Variants in KIAA1549L observed in about 807,000 individuals in gnomAD.
KIAA1549L encodes the protein KIAA1549 like.
Under a neutral mutation model 160.7 loss-of-function variants are expected in KIAA1549L, and 88 were observed. The observed-to-expected ratio is 0.55, with a 90% CI of 0.46 to 0.65. The LOEUF (loss-of-function observed/expected upper bound fraction) is 0.65, where lower values mean the gene tolerates loss of function less well. Ranked by LOEUF, KIAA1549L falls within the 30% of genes least tolerant of loss-of-function variation. KIAA1549L has a pLI of 0.00. For missense variants in KIAA1549L, 2,258 were observed against 2,437.5 expected (o/e 0.93, Z 1.55); for synonymous variants, 950 against 976.7 (o/e 0.97, Z 0.51).
At chr11:33,512,737 T>TC (rs1853256303) in intron 1 of KIAA1549L, among the ~76,000 whole-genome samples, 2 of 152,186 alleles carry the variant, frequency 1.3e-5, no homozygotes, top group Non-Finnish European at 2.9e-5. Flanking sequence ...CTAGGTAATA[T>TC]TCGAAATCCT....
At chr11:33,639,688 C>T (rs1054213938) in intron 16 of KIAA1549L, among the ~76,000 whole-genome samples, 34 of 152,194 alleles carry the variant, frequency 2.2e-4, no homozygotes, top group African/African-American at 3.4e-4. Context: ...CACAGGCGCG[C>T]GCTACCTCGC....
At chr11:33,577,882 T>C (rs535016694) in intron 10 of KIAA1549L, among the ~76,000 whole-genome samples, 3 of 152,276 alleles carry the variant, frequency 2.0e-5, no homozygotes, top group African/African-American at 7.2e-5. Flanking sequence ...CACTGGAGAT[T>C]TATGCACCTG....
intron 17 of KIAA1549L, 130 bp downstream of exon 17, chr11:33,646,166 T>TC (rs1289147300): frequency 3.0e-6 from 2 of 677,940 alleles, no homozygotes; most frequent in Non-Finnish European, 5.1e-6. Context: ...TGCCAGGCCC[T>TC]CATCCCATCA....
intron 1 of KIAA1549L, among the ~76,000 whole-genome samples, chr11:33,480,044 T>TTGTG (rs368086773): frequency 6.7e-4 from 100 of 150,190 alleles, no homozygotes; most frequent in Admixed American, 1.1e-3. Flanking sequence ...ATATTAATGA[T>TTGTG]TGTGTGTGTG....
intron 1 of KIAA1549L, among the ~76,000 whole-genome samples, chr11:33,501,875 G>A (rs893452747): frequency 1.3e-5 from 2 of 152,156 alleles, no homozygotes; most frequent in Non-Finnish European, 2.9e-5. Flanking sequence ...TCTGCCCAAG[G>A]TCGTTGGTAA....
At chr11:33,435,786 A>C (rs747463914) in intron 1 of KIAA1549L, among the ~76,000 whole-genome samples, 2 of 18,970 alleles carry the variant, frequency 1.1e-4, no homozygotes, top group Non-Finnish European at 1.6e-4. Context: ...ATATATATAT[A>C]TATATATATA....
chr11:33,525,474 C>G (rs1020956686), intron 1 of KIAA1549L, among the ~76,000 whole-genome samples: 2 of 151,890 alleles, frequency 1.3e-5, no homozygotes, highest in Non-Finnish European at 2.9e-5. Context: ...CACAGGAGTC[C>G]TTGGGGAAGG....
At chr11:33,383,973 T>A (rs1025664393) in intron 1 of KIAA1549L, among the ~76,000 whole-genome samples, 1 of 152,220 alleles carries the variant, frequency 6.6e-6, no homozygotes, top group African/African-American at 2.4e-5. Context: ...AAGTCAAGTT[T>A]ATTAAGGTGT....
chr11:33,589,179 A>G (rs1045817385), intron 11 of KIAA1549L, among the ~76,000 whole-genome samples: 10 of 152,264 alleles, frequency 6.6e-5, no homozygotes, highest in Non-Finnish European at 1.2e-4. Context: ...ATCACTGGCC[A>G]TCAGAGAAAT....
Position 33,568,149 on chromosome 11 carries a change from G to A in KIAA1549L, c.4152G>A (p.Leu1384=). ...QSFARVMEQR[L]AQLFMMSQQQ... ...TTGCCCGGGTCATGGAGCAGCGCCTGGCCCAGCTATTCATGATGTCCCAGC... is the reference window on the plus strand; with the variant it reads ...TTGCCCGGGTCATGGAGCAGCGCCTAGCCCAGCTATTCATGATGTCCCAGC... Residue 1384 remains leucine, a synonymous_variant, in exon 9 of 21, where the codon CTG becomes CTA. Coordinates refer to ENST00000658780, the MANE Select transcript of KIAA1549L (RefSeq NM_012194.3). 1 of 1,613,376 alleles carries A rather than the reference G, an allele frequency of 6.2e-7. No homozygotes were observed. The highest frequency in any genetic ancestry group is 8.5e-7 in the Non-Finnish European group (1 of 1,179,656).
At chr11:33,610,029 G>T in intron 15 of KIAA1549L, 63 bp downstream of exon 15, 1 of 1,273,708 alleles carries the variant, frequency 7.9e-7, no homozygotes. Context: ...GGCAGGCCTT[G>T]GGCAGTATAT....
chr11:33,405,155 T>C (rs989166663), intron 1 of KIAA1549L, among the ~76,000 whole-genome samples: 21 of 152,250 alleles, frequency 1.4e-4, no homozygotes, highest in African/African-American at 4.3e-4. Flanking sequence ...GTAATAGGAA[T>C]GAAGAAAATA....
chr11:33,455,753 A>C (rs562274033), intron 1 of KIAA1549L, among the ~76,000 whole-genome samples: 33 of 152,244 alleles, frequency 2.2e-4, no homozygotes, highest in Non-Finnish European at 4.4e-4. Flanking sequence ...GACAGAGGTC[A>C]CAAGGCTATT....
chr11:33,540,838 G>A (rs1220601020), intron 1 of KIAA1549L, among the ~76,000 whole-genome samples: 1 of 152,118 alleles, frequency 6.6e-6, no homozygotes, highest in Non-Finnish European at 1.5e-5. Context: ...ATATGATTAC[G>A]GCCTGCCTAG....
chr11:33,570,554 C>T (rs749758700), intron 9 of KIAA1549L, among the ~76,000 whole-genome samples: 7 of 152,092 alleles, frequency 4.6e-5, no homozygotes, highest in Non-Finnish European at 1.0e-4. Flanking sequence ...ACCTCCTTTC[C>T]CACTAGGGAA....
intron 6 of KIAA1549L, among the ~76,000 whole-genome samples, chr11:33,559,175 C>T (rs1480211317): frequency 1.3e-5 from 2 of 152,112 alleles, no homozygotes; most frequent in Admixed American, 6.6e-5. Flanking sequence ...GTCGCTCTGC[C>T]CGTGACCAGA....
intron 1 of KIAA1549L, among the ~76,000 whole-genome samples, chr11:33,534,393 G>A (rs1221224099): frequency 3.3e-5 from 5 of 151,722 alleles, no homozygotes; most frequent in Admixed American, 6.6e-5. Context: ...GCACCTGGCC[G>A]CTTTCCACAA....
chr11:33,601,788 T>C (rs997082775), intron 13 of KIAA1549L, among the ~76,000 whole-genome samples: 23 of 152,224 alleles, frequency 1.5e-4, no homozygotes, highest in African/African-American at 5.5e-4. Context: ...AAAAGAACTT[T>C]GAAAGGAAAA....
chr11:33,591,270 C>G lies in KIAA1549L; in HGVS notation c.4600C>G (p.Leu1534Val). The change falls in exon 12 of 21, where the codon CTG (leucine) becomes GTG (valine). Residue 1534 changes from leucine to valine, a missense_variant. By Grantham distance (32) the Leu-to-Val change is conservative. Around this residue, in one of 6 missense-constraint regions of KIAA1549L, gnomAD observed 1,359 missense variants for 1,546.6 expected, o/e 0.88. Transcript: ENST00000658780. ...AGGCTTTGATTATGCCAAGCAACAC[C>G]TGGGCCAGCAAGGGGCAGATGAGGA... ...VQGFDYAKQH[L>V]GQQGADEEVI... 1 of 1,613,426 alleles carries G rather than the reference C, an allele frequency of 6.2e-7. No individual in the cohort carries two copies. The highest frequency in any genetic ancestry group is 1.1e-5 in the South Asian group (1 of 90,996).
Sources: allele counts gnomAD v4.1 joint callset (sites outside exome capture counted in the v4.1 genomes callset), GRCh38; gene constraint gnomAD v4.1.1; regional missense constraint gnomAD v4.1.1; transcripts MANE v1.5; gene names NCBI Gene and HGNC (gene_info 2026-07-23, HGNC 2026-07-21).